The following ASTL variants were observed in gnomAD, a reference collection of about 807,000 sequenced individuals.
ASTL encodes astacin like metalloendopeptidase, also known as astacin-like metalloendopeptidase.
In ASTL, 27 loss-of-function variants were observed where a neutral mutation model predicts 36.7. That is an observed-to-expected ratio of 0.73 (90% CI 0.54 to 1.01). The LOEUF is 1.01. ASTL is among the 50% of genes least tolerant of loss of function. The pLI is 0.00. For missense variants in ASTL, 524 were observed against 572.8 expected (o/e 0.91, Z 0.87); for synonymous variants, 222 against 228.1 (o/e 0.97, Z 0.24).
At chr2:96,137,875 G>A in intron 1 of ASTL, 175 bp from the exon 2 acceptor site, 1 of 622,840 alleles carries the variant, frequency 1.6e-6, no homozygotes, top group South Asian at 2.2e-5. Context: ...ACCCCAACTG[G>A]TGCCAAGGTC....
At chr2:96,131,939 C>T (rs993920659) in intron 6 of ASTL, among the ~76,000 whole-genome samples, 2 of 152,192 alleles carry the variant, frequency 1.3e-5, no homozygotes, top group Non-Finnish European at 2.9e-5. Flanking sequence ...ATCTGATCCC[C>T]GGCGCCACAC....
chr2:96,126,923 C>T (rs946312470), intron 8 of ASTL, among the ~76,000 whole-genome samples: 2 of 151,936 alleles, frequency 1.3e-5, no homozygotes, highest in Non-Finnish European at 2.9e-5. Context: ...CCATTCCTAG[C>T]TGTATACCCA....
At position 96,138,438 on chromosome 2, in the gene ASTL, G is replaced by A; in HGVS notation, c.-2C>T. Reference sequence around the variant, plus strand: ...CCAGAGACCCCCTACACCCTCCATGGTAGAGCCCTGCTGCCCCTTCAGCAA... The same window carrying A: ...CCAGAGACCCCCTACACCCTCCATGATAGAGCCCTGCTGCCCCTTCAGCAA... On this transcript the variant is annotated 5_prime_UTR_variant, in exon 1 of 9. Transcript: ENST00000342380. 6.2e-7 allele frequency: 1 copy of A among 1,609,108 alleles called. No homozygotes were observed. Among genetic ancestry groups the A allele is most frequent in the Non-Finnish European group, 8.5e-7 (1 of 1,177,584 alleles).
rs778905420 is a variant in ASTL, at chr2:96,123,217, G to T, written c.*633C>A. ...GTCCTCTGTTCAGGGGCCAGCTGAGGTTCCCATTGTGCAATCTGGTGGGGC... is the reference window on the plus strand; with the variant it reads ...GTCCTCTGTTCAGGGGCCAGCTGAGTTTCCCATTGTGCAATCTGGTGGGGC... On this transcript the variant is annotated 3_prime_UTR_variant, in exon 9 of 9. Transcript: ENST00000342380. 6.6e-6 allele frequency among the ~76,000 whole-genome samples: 1 copy of T among 152,248 alleles called. No individual in the cohort carries two copies.
chr2:96,133,878 G>C (rs1456576604), intron 4 of ASTL, 87 bp downstream of exon 4: 20 of 886,244 alleles, frequency 2.3e-5, no homozygotes, highest in Non-Finnish European at 3.5e-5. Context: ...GGATGTGATG[G>C]TGTAAGAGGA....
At chr2:96,129,293 TGTTTTCTAACTGGGTGTACA>T (rs1250969109) in intron 8 of ASTL, among the ~76,000 whole-genome samples, 1 of 152,268 alleles carries the variant, frequency 6.6e-6, no homozygotes, top group Non-Finnish European at 1.5e-5. Context: ...CTAACAATTG[TGTTTTCTAACTGGGTGTACA>T]GAAATATGAT....
At chr2:96,133,769 C>A (rs572791454) in intron 4 of ASTL, 196 bp downstream of exon 4, 59 of 646,266 alleles carry the variant, frequency 9.1e-5, no homozygotes, top group African/African-American at 8.4e-4. Flanking sequence ...GATCCCCACT[C>A]GACATACCTT....
chr2:96,135,482 A>C, intron 2 of ASTL, 70 bp from the exon 3 acceptor site: 1 of 1,342,970 alleles, frequency 7.4e-7, no homozygotes. Context: ...GGCCAAGCAA[A>C]TCCCTACTTA....
chr2:96,132,408 C>T lies in ASTL; in HGVS notation c.637+132G>A. On this transcript the variant is annotated intron_variant, in intron 6 of 8. Coordinates refer to ENST00000342380, the MANE Select transcript of ASTL (RefSeq NM_001002036.4). The surrounding 1 kb of genome is among the most constrained non-coding windows in gnomAD (Gnocchi z 5.4). ...AGGTACCAGACAGAAGTGAGACCCC[C>T]ACCTTCCCCACAGGAAGCAGGCAGG... 2.5e-6 allele frequency: 2 copies of T among 808,426 alleles called. No homozygotes were observed. The highest frequency in any genetic ancestry group is 1.7e-5 in the African/African-American group (1 of 57,700). The allele number at this position is 808,426 out of a possible 1,614,324, so 50.1% of individuals were successfully genotyped here.
intron 8 of ASTL, among the ~76,000 whole-genome samples, chr2:96,127,684 C>T (rs1682091707): frequency 6.6e-6 from 1 of 152,102 alleles, no homozygotes; most frequent in South Asian, 2.1e-4. Context: ...AGTGATTCTC[C>T]TGCCTCAGCC....
At position 96,128,247 on chromosome 2, in the gene ASTL, A is replaced by AG. The variant is rs34348073; in HGVS notation, c.874+1576dup. On this transcript the variant is annotated intron_variant, in intron 8 of 8. Transcript: ENST00000342380. ...AACTGTCTCAAAAAAAAAAAAAAAA[A>AG]GTCTATTTGTAACCTGTATTTTCAC... Among the ~76,000 whole-genome samples, 5 of 151,838 alleles carry AG rather than the reference A, an allele frequency of 3.3e-5. No individual in the cohort carries two copies. In the East Asian group the frequency reaches 7.7e-4, roughly 24 times the overall value.
chr2:96,123,739 G>A lies in ASTL; in HGVS notation c.*111C>T, dbSNP rs1682004379. 1 of 809,564 alleles carries A rather than the reference G, an allele frequency of 1.2e-6. No individual in the cohort carries two copies. 50.1% of individuals were successfully genotyped at this position (809,564 alleles called of 1,614,324 possible). A position where few individuals can be genotyped will look rare whatever the true frequency, so the allele number is the denominator to read the frequency against. On this transcript the variant is annotated 3_prime_UTR_variant, in exon 9 of 9. Coordinates refer to ENST00000342380, the MANE Select transcript of ASTL (RefSeq NM_001002036.4). ...GAGTCCTGGCCCTCTGAGATGGGGT[G>A]GTAGGTTGGGGCTGGAAGACAGTGG...
At chr2:96,126,913 C>G (rs924139698) in intron 8 of ASTL, among the ~76,000 whole-genome samples, 3 of 151,946 alleles carry the variant, frequency 2.0e-5, no homozygotes, top group Non-Finnish European at 1.5e-5. Context: ...CCTAGCAATT[C>G]CATTCCTAGC....
Position 96,132,579 on chromosome 2 carries a change from C to T in ASTL, c.598G>A (p.Asp200Asn), listed in dbSNP as rs751579283. Reference protein sequence around the residue: ...FWHEHTRADRDRYIRVNWNEI... With the variant: ...FWHEHTRADRNRYIRVNWNEI... The stretch of plus-strand genomic sequence containing the variant: ...TTCCAGTTGACACGGATATAGCGGT[C>T]CCGGTCGGCCCGCGTGTGCTCGTGC... The change falls in exon 6 of 9, where the codon GAC (aspartate) becomes AAC (asparagine). Residue 200 changes from aspartate to asparagine, a missense_variant. Physicochemically the swap from Asp to Asn is conservative, Grantham distance 23. Coordinates refer to ENST00000342380, the MANE Select transcript of ASTL (RefSeq NM_001002036.4). This position sits in a 1 kb window ranked among gnomAD's most constrained non-coding sequence, Gnocchi z 5.4. The T allele has an allele frequency of 3.1e-6, 5 of 1,611,448 alleles. No individual in the cohort carries two copies. The South Asian group carries it at 3.3e-5, about 11-fold the overall frequency.
At chr2:96,134,204 G>A (rs1441291568) in intron 3 of ASTL, 146 bp from the exon 4 acceptor site, 16 of 660,458 alleles carry the variant, frequency 2.4e-5, no homozygotes, top group Middle Eastern at 3.7e-4. Context: ...ATTAGAGATG[G>A]GACAGAGCTG....
intron 8 of ASTL, among the ~76,000 whole-genome samples, chr2:96,126,533 A>C (rs1330797273): frequency 6.6e-6 from 1 of 152,246 alleles, no homozygotes; most frequent in African/African-American, 2.4e-5. Flanking sequence ...GAACCCTCGT[A>C]TACCGCTGGT....
chr2:96,138,307 G>T, intron 1 of ASTL, 75 bp downstream of exon 1: 1 of 1,382,992 alleles, frequency 7.2e-7, no homozygotes, highest in Non-Finnish European at 1.0e-6. Context: ...GCAGGCTCCA[G>T]CCACAACCTT....
chr2:96,137,135 A>C (rs577778388), intron 2 of ASTL, among the ~76,000 whole-genome samples: 2 of 152,082 alleles, frequency 1.3e-5, no homozygotes, highest in East Asian at 3.9e-4. Flanking sequence ...GAGCCACCGC[A>C]CCCAGCTGAG....
chr2:96,131,308 G>A (rs1682174427), intron 6 of ASTL, among the ~76,000 whole-genome samples: 1 of 151,832 alleles, frequency 6.6e-6, no homozygotes. Context: ...TAGAATTGCT[G>A]TACTTTAACT....
Sources: allele counts gnomAD v4.1 joint callset (sites outside exome capture counted in the v4.1 genomes callset), GRCh38; gene constraint gnomAD v4.1.1; non-coding constraint Gnocchi (gnomAD v3.1); transcripts MANE v1.5; gene names NCBI Gene and HGNC (gene_info 2026-07-23, HGNC 2026-07-21).